The following NPY5R variants were observed in gnomAD, a reference collection of about 807,000 sequenced individuals.
NPY5R encodes neuropeptide Y receptor Y5.
In NPY5R, 21 loss-of-function variants were observed where a neutral mutation model predicts 24.8. The ratio of observed to expected loss-of-function variants is 0.85; its 90% CI spans 0.60 to 1.22. The LOEUF is 1.22. NPY5R is among the 50% of genes most tolerant of loss of function. The pLI, the probability that NPY5R is intolerant of heterozygous loss-of-function variation, is 0.00. For missense variants in NPY5R, 481 were observed against 521.3 expected (o/e 0.92, Z 0.75); for synonymous variants, 175 against 183.0 (o/e 0.96, Z 0.35).
rs1560870025 is a variant in NPY5R at position 163,350,419 on chromosome 4, C to T, written c.146C>T (p.Thr49Ile). 4 of 1,613,698 alleles carry T rather than the reference C, an allele frequency of 2.5e-6. No homozygotes were observed. The highest frequency in any genetic ancestry group is 3.4e-6 in the Non-Finnish European group (4 of 1,179,664). ...DLQYFLIGLY[T>I]FVSLLGFMGN... ...CAGTATTTTCTGATTGGGCTCTATA[C>T]ATTTGTAAGTCTTCTTGGCTTTATG... is the stretch of plus-strand genomic sequence containing the variant. Residue 49 changes from threonine to isoleucine, a missense_variant, in exon 4 of 4, where the codon ACA becomes ATA. Transcript: ENST00000338566.
In NPY5R at chr4:163,351,650, G is replaced by C. The variant is rs758633437; in HGVS notation, c.*39G>C. The C allele has an allele frequency of 1.1e-5, 16 of 1,404,804 alleles. 1 individual carries two copies. In the Admixed American group the frequency reaches 1.6e-4, roughly 14 times the overall value. The allele number at this position is 1,404,804 out of a possible 1,614,324, so 87.0% of individuals were successfully genotyped here. The stretch of plus-strand genomic sequence containing the variant: ...TTACCAAGGAAAGAACAAATGCTGG[G>C]GTCATATAAAATATATTTATGATAA... On this transcript the variant is annotated 3_prime_UTR_variant, in exon 4 of 4. Coordinates refer to ENST00000338566, the MANE Select transcript of NPY5R (RefSeq NM_006174.4).
At position 163,351,627 on chromosome 4, in the gene NPY5R, A is replaced by G; in HGVS notation, c.*16A>G. ...TCATATGTAATAATTCTCACTGTTT[A>G]CCAAGGAAAGAACAAATGCTGGGGT... On this transcript the variant is annotated 3_prime_UTR_variant, in exon 4 of 4. Transcript: ENST00000338566. 1 of 1,558,234 alleles carries G rather than the reference A, an allele frequency of 6.4e-7. No individual in the cohort carries two copies.
In NPY5R at chr4:163,350,321, GAAT is replaced by G. The variant is rs1735435131; in HGVS notation, c.53_55del (p.Asn18del). The G allele has an allele frequency of 4.4e-6, 7 of 1,607,890 alleles. No individual in the cohort carries two copies. The highest frequency in any genetic ancestry group is 6.0e-6 in the Non-Finnish European group (7 of 1,175,622). ...ATTATAACAAGACACTTGCCACAGA[GAAT>G]AATACTGCTGCCACTCGGAATTCTG... On this transcript the variant is annotated inframe_deletion, in exon 4 of 4. Coordinates refer to ENST00000338566, the MANE Select transcript of NPY5R (RefSeq NM_006174.4).
chr4:163,350,245 T>C lies in NPY5R; in HGVS notation c.-9-20T>C. 5 of 1,509,038 alleles carry C rather than the reference T, an allele frequency of 3.3e-6. No individual in the cohort carries two copies. The South Asian group carries it at 6.9e-5, about 21-fold the overall frequency. 93.5% of individuals were successfully genotyped at this position (1,509,038 alleles called of 1,614,324 possible). A position where few individuals can be genotyped will look rare whatever the true frequency, so the allele number is the denominator to read the frequency against. ...TAATGTTTTTTTGGTTGCTGACAAA[T>C]GTCTTTTTATTCCAAGCAGGACTAT... is the stretch of plus-strand genomic sequence containing the variant. On this transcript the variant is annotated intron_variant, in intron 3 of 3. Coordinates refer to ENST00000338566, the MANE Select transcript of NPY5R (RefSeq NM_006174.4).
chr4:163,346,271 A>G (rs568430979), intron 2 of NPY5R, among the ~76,000 whole-genome samples: 87 of 152,334 alleles, frequency 5.7e-4, no homozygotes, highest in African/African-American at 2.1e-3. Flanking sequence ...CTATAGAGAA[A>G]TAATATATTA....
intron 1 of NPY5R, chr4:163,344,583 G>T (rs1333593515): frequency 6.6e-6 from 1 of 152,256 alleles, no homozygotes; most frequent in Non-Finnish European, 1.5e-5. Context: ...CCGAGCCCGG[G>T]AGGCAGCTGC....
At position 163,350,858 on chromosome 4, in the gene NPY5R, G is replaced by A; in HGVS notation, c.585G>A (p.Arg195=). The part of the protein sequence containing the change: ...ETFGSALLSS[R]YLCVESWPSD... ...TTGGTTCAGCATTGCTGAGCAGCAG[G>A]TATTTATGTGTTGAGTCATGGCCAT... The change falls in exon 4 of 4, where the codon AGG becomes AGA. Residue 195 remains arginine, a synonymous_variant. Coordinates refer to ENST00000338566, the MANE Select transcript of NPY5R (RefSeq NM_006174.4). 1 of 1,614,152 alleles carries A rather than the reference G, an allele frequency of 6.2e-7. No individual in the cohort carries two copies. The highest frequency in any genetic ancestry group is 8.5e-7 in the Non-Finnish European group (1 of 1,180,036).
chr4:163,346,554 T>TA (rs1458271741), intron 2 of NPY5R, among the ~76,000 whole-genome samples: 1 of 152,178 alleles, frequency 6.6e-6, no homozygotes, highest in East Asian at 1.9e-4. Context: ...AGCCTACCCT[T>TA]TAAAATTATA....
chr4:163,347,036 T>C (rs1735283063), intron 2 of NPY5R, among the ~76,000 whole-genome samples: 1 of 152,192 alleles, frequency 6.6e-6, no homozygotes, highest in African/African-American at 2.4e-5. Flanking sequence ...CACAAAAATA[T>C]AGTCATACTC....
Position 163,350,282 on chromosome 4 carries a change from A to G in NPY5R, c.9A>G (p.Leu3=), listed in dbSNP as rs1560869701. 6.4e-7 allele frequency: 1 copy of G among 1,560,876 alleles called. No individual in the cohort carries two copies. MD[L]ELDEYYNKTL... ...CCAAGCAGGACTATAATATGGATTTAGAGCTCGACGAGTATTATAACAAGA... is the reference window on the plus strand; with the variant it reads ...CCAAGCAGGACTATAATATGGATTTGGAGCTCGACGAGTATTATAACAAGA... Residue 3 remains leucine (L), a synonymous_variant, in exon 4 of 4, where the codon TTA becomes TTG. Coordinates refer to ENST00000338566, the MANE Select transcript of NPY5R (RefSeq NM_006174.4).
chr4:163,349,288 A>G, intron 3 of NPY5R: 1 of 917,126 alleles, frequency 1.1e-6, no homozygotes. Flanking sequence ...CATTTATTTA[A>G]TACCTGCAGT....
chr4:163,350,410 G>A lies in NPY5R; in HGVS notation c.137G>A (p.Gly46Glu). ...SVDDLQYFLI[G>E]LYTFVSLLGF... ...GATGACTTACAGTATTTTCTGATTG[G>A]GCTCTATACATTTGTAAGTCTTCTT... The change falls in exon 4 of 4, where the codon GGG becomes GAG. Residue 46 changes from glycine to glutamate, a missense_variant. Physicochemically the swap from Gly to Glu is moderately conservative, Grantham distance 98. Coordinates refer to ENST00000338566, the MANE Select transcript of NPY5R (RefSeq NM_006174.4). 1 of 1,611,864 alleles carries A rather than the reference G, an allele frequency of 6.2e-7. No individual in the cohort carries two copies. Among genetic ancestry groups the A allele is most frequent in the Non-Finnish European group, 8.5e-7 (1 of 1,178,822 alleles).
chr4:163,350,265 G>T lies in NPY5R; in HGVS notation c.-9G>T, dbSNP rs566434611. 2.6e-6 allele frequency: 4 copies of T among 1,534,854 alleles called. No individual in the cohort carries two copies. Among genetic ancestry groups the T allele is most frequent in the African/African-American group, 2.8e-5 (2 of 72,110 alleles). On this transcript the variant is annotated splice_region_variant and 5_prime_UTR_variant, in exon 4 of 4. Coordinates refer to ENST00000338566, the MANE Select transcript of NPY5R (RefSeq NM_006174.4). ...ACAAATGTCTTTTTATTCCAAGCAG[G>T]ACTATAATATGGATTTAGAGCTCGA...
rs796889421 is a variant in NPY5R, at chr4:163,346,564, ATATAAAT to A, written c.-81+815_-81+821del. Among the ~76,000 whole-genome samples the A allele has an allele frequency of 4.6e-5, 7 of 152,194 alleles. No homozygotes were observed. The East Asian group carries it at 9.6e-4, about 21-fold the overall frequency. On this transcript the variant is annotated intron_variant, in intron 2 of 3. Coordinates refer to ENST00000338566, the MANE Select transcript of NPY5R (RefSeq NM_006174.4). ...GAAGGAGCCTACCCTTTAAAATTAT[ATATAAAT>A]TATCTACTTTCTTAAAATACTCAAA...
In NPY5R at chr4:163,350,749, T is replaced by C; in HGVS notation, c.476T>C (p.Leu159Pro). ...TTAACAGCAAACCATGGCTACTTTC[T>C]GATAGCTACTGTCTGGACACTAGGT... Reference protein sequence around the residue: ...NNLTANHGYFLIATVWTLGFA... With the variant: ...NNLTANHGYFPIATVWTLGFA... Residue 159 changes from leucine (L) to proline (P), a missense_variant, in exon 4 of 4, where the codon CTG becomes CCG. Leu to Pro is a moderately conservative substitution (Grantham distance 98). Transcript: ENST00000338566. The C allele has an allele frequency of 2.5e-6, 4 of 1,614,216 alleles. No individual in the cohort carries two copies. The highest frequency in any genetic ancestry group is 3.4e-6 in the Non-Finnish European group (4 of 1,180,020).
Position 163,350,369 on chromosome 4 carries a change from C to G in NPY5R, c.96C>G (p.Asp32Glu), listed in dbSNP as rs773762046. 1.3e-5 allele frequency: 21 copies of G among 1,613,410 alleles called. No individual in the cohort carries two copies. The highest frequency in any genetic ancestry group is 1.2e-5 in the Non-Finnish European group (14 of 1,179,544). Residue 32 changes from aspartate (D) to glutamate (E), a missense_variant, in exon 4 of 4, where the codon GAC (aspartate) becomes GAG (glutamate). Transcript: ENST00000338566. ...TRNSDFPVWD[D>E]YKSSVDDLQY... is the part of the protein sequence containing the mutation. ...ATTCTGATTTCCCAGTCTGGGATGA[C>G]TATAAAAGCAGTGTAGATGACTTAC...
At chr4:163,349,795 A>G (rs1560869275) in intron 3 of NPY5R, among the ~76,000 whole-genome samples, 1 of 152,214 alleles carries the variant, frequency 6.6e-6, no homozygotes, top group Non-Finnish European at 1.5e-5. Flanking sequence ...TGATACTTGA[A>G]TTGCCCTTGG....
At position 163,351,802 on chromosome 4, in the gene NPY5R, A is replaced by G. The variant is rs1382194082; in HGVS notation, c.*191A>G. On this transcript the variant is annotated 3_prime_UTR_variant, in exon 4 of 4. Coordinates refer to ENST00000338566, the MANE Select transcript of NPY5R (RefSeq NM_006174.4). ...TTATGTGTTATAGTAGGATTAATTT[A>G]TTTAGTTGTGCAGTCAGTGTCAATC... 9.3e-6 allele frequency: 4 copies of G among 427,892 alleles called. No individual in the cohort carries two copies. Among genetic ancestry groups the G allele is most frequent in the Non-Finnish European group, 1.7e-5 (4 of 238,264 alleles). 26.5% of individuals were successfully genotyped at this position (427,892 alleles called of 1,614,324 possible). A position where few individuals can be genotyped will look rare whatever the true frequency, so the allele number is the denominator to read the frequency against.
intron 1 of NPY5R, chr4:163,345,200 T>G (rs1177922685): frequency 6.6e-6 from 1 of 152,238 alleles, no homozygotes; most frequent in East Asian, 1.9e-4. Flanking sequence ...AGTCAGACTT[T>G]TAATATCCTT....
Sources: gnomAD v4.1 joint callset for allele counts (sites outside exome capture counted in the v4.1 genomes callset) on GRCh38, gnomAD v4.1.1 for gene constraint, MANE v1.5 for transcripts, NCBI Gene and HGNC (gene_info 2026-07-23, HGNC 2026-07-21) for gene names.